The following SHB variants were observed in gnomAD, a reference collection of about 807,000 sequenced individuals.
SHB encodes the protein SH2 domain containing adaptor protein B.
In SHB, 20 loss-of-function variants were observed where a neutral mutation model predicts 52.3. The ratio of observed to expected loss-of-function variants is 0.38; its 90% confidence interval spans 0.27 to 0.56. The LOEUF is 0.56. Among genes scored for constraint, SHB ranks in the 20% least tolerant of loss-of-function variants. The pLI is 0.71. For missense variants in SHB, 825 were observed against 723.3 expected, an observed-to-expected ratio of 1.14 and a Z score of -1.61; for synonymous variants, 397 against 316.5, an observed-to-expected ratio of 1.25 and a Z score of -2.70.
intron 1 of SHB, among the ~76,000 whole-genome samples, chr9:38,065,294 G>A (rs1821947062): frequency 6.6e-6 from 1 of 152,140 alleles, no homozygotes; most frequent in African/African-American, 2.4e-5. Flanking sequence ...AGGATCAGGA[G>A]GTAGCCACAC....
chr9:37,984,424 A>G (rs937060821), intron 2 of SHB, among the ~76,000 whole-genome samples: 2 of 152,216 alleles, frequency 1.3e-5, no homozygotes, highest in African/African-American at 4.8e-5. Flanking sequence ...GTAACGTGAA[A>G]CACACAGGGA....
At chr9:38,024,221 C>T (rs532001336) in intron 1 of SHB, among the ~76,000 whole-genome samples, 53 of 152,330 alleles carry the variant, frequency 3.5e-4, no homozygotes, top group African/African-American at 1.1e-3. Context: ...TCCTCTGGGA[C>T]GGCCATCACC....
chr9:38,053,809 T>C (rs1821780795), intron 1 of SHB, among the ~76,000 whole-genome samples: 1 of 152,200 alleles, frequency 6.6e-6, no homozygotes, highest in Non-Finnish European at 1.5e-5. Context: ...AAAACATTCA[T>C]AAAGCTCTTC....
rs143913523 is a variant in SHB at position 37,950,968 on chromosome 9, C to T, written c.1227-2214G>A. ...CTCCTGGTGCCTGTCTCAGAGTGTCCTGCAAACCGTGCCTCTGAGAGTTCC... is the reference window on the plus strand; with the variant it reads ...CTCCTGGTGCCTGTCTCAGAGTGTCTTGCAAACCGTGCCTCTGAGAGTTCC... On this transcript the variant is annotated intron_variant, in intron 4 of 5. Coordinates refer to ENST00000377707, the MANE Select transcript of SHB (RefSeq NM_003028.3). 1.1e-3 allele frequency among the ~76,000 whole-genome samples: 165 copies of T among 152,336 alleles called. 1 individual carries two copies. The highest frequency in any genetic ancestry group is 3.8e-3 in the African/African-American group (158 of 41,574).
chr9:38,019,397 G>A (rs1821256303), intron 1 of SHB, among the ~76,000 whole-genome samples: 1 of 152,258 alleles, frequency 6.6e-6, no homozygotes, highest in Non-Finnish European at 1.5e-5. Flanking sequence ...GTGGCCTGGG[G>A]ATGGCCTCTC....
In SHB at chr9:37,916,692, C is replaced by T. The variant is rs1832103654; in HGVS notation, c.*3129G>A. On this transcript the variant is annotated 3_prime_UTR_variant, in exon 6 of 6. Transcript: ENST00000377707. ...AACAGCTACGCTGTGAGCCTCTCTC[C>T]AGGAGAGGGTGTCAGCCTGGGCCAT... is the stretch of plus-strand genomic sequence containing the variant. Among the ~76,000 whole-genome samples the T allele has an allele frequency of 3.3e-5, 5 of 152,228 alleles. No homozygotes were observed. The South Asian group carries it at 1.0e-3, about 31-fold the overall frequency.
At chr9:37,947,970 T>C (rs1012420920) in intron 5 of SHB, among the ~76,000 whole-genome samples, 1 of 152,226 alleles carries the variant, frequency 6.6e-6, no homozygotes, top group Admixed American at 6.5e-5. Context: ...TTGGGTCCCG[T>C]CCAGCAATAG....
At chr9:38,026,528 A>G (rs1821346145) in intron 1 of SHB, among the ~76,000 whole-genome samples, 1 of 152,246 alleles carries the variant, frequency 6.6e-6, no homozygotes, top group Non-Finnish European at 1.5e-5. Flanking sequence ...GCTCTCCCCA[A>G]GAGTCACTCT....
intron 1 of SHB, among the ~76,000 whole-genome samples, chr9:38,022,876 T>G (rs1246577309): frequency 6.6e-6 from 1 of 152,186 alleles, no homozygotes; most frequent in Non-Finnish European, 1.5e-5. Flanking sequence ...GAAAGGGAGC[T>G]CCTGCTGCGT....
rs1262730393 is a variant in SHB, at chr9:37,917,000, C to T, written c.*2821G>A. Among the ~76,000 whole-genome samples the T allele has an allele frequency of 2.6e-5, 4 of 151,232 alleles. No individual in the cohort carries two copies. Among genetic ancestry groups the T allele is most frequent in the Admixed American group, 2.6e-4 (4 of 15,188 alleles). On this transcript the variant is annotated 3_prime_UTR_variant, in exon 6 of 6. Coordinates refer to ENST00000377707, the MANE Select transcript of SHB (RefSeq NM_003028.3). The stretch of plus-strand genomic sequence containing the variant: ...AGCTTTTCTTTTCTCTCAAAGAAAT[C>T]CAGCTCAATTTTTTCCCCAATTAAT...
At chr9:38,057,328 T>G (rs543517075) in intron 1 of SHB, among the ~76,000 whole-genome samples, 5 of 152,152 alleles carry the variant, frequency 3.3e-5, no homozygotes, top group Admixed American at 6.5e-5. Flanking sequence ...ATATATGCAA[T>G]GAAAAATGGC....
At chr9:38,004,147 G>T (rs1038504295) in intron 2 of SHB, among the ~76,000 whole-genome samples, 1 of 152,198 alleles carries the variant, frequency 6.6e-6, no homozygotes, top group Non-Finnish European at 1.5e-5. Flanking sequence ...TTTCTTACTG[G>T]AAAATGGAAA....
chr9:37,948,829 C>T, intron 4 of SHB, 75 bp from the exon 5 acceptor site: 1 of 1,579,862 alleles, frequency 6.3e-7, no homozygotes. Flanking sequence ...TTGGGAGACT[C>T]AGCACCCGCA....
intron 5 of SHB, among the ~76,000 whole-genome samples, chr9:37,933,813 T>C (rs1832339233): frequency 6.6e-6 from 1 of 152,228 alleles, no homozygotes; most frequent in Non-Finnish European, 1.5e-5. Flanking sequence ...TTCCATGTCC[T>C]GAGCTGAAAT....
chr9:37,920,236 G>C (rs1001858000), intron 5 of SHB, among the ~76,000 whole-genome samples: 2 of 151,924 alleles, frequency 1.3e-5, no homozygotes, highest in Non-Finnish European at 2.9e-5. Flanking sequence ...TGCTACAAGA[G>C]AGCATTCCAA....
intron 3 of SHB, among the ~76,000 whole-genome samples, chr9:37,959,062 CCTCT>C (rs779966994): frequency 2.6e-5 from 4 of 152,108 alleles, no homozygotes; most frequent in South Asian, 2.1e-4. Flanking sequence ...GCTTTAGAGA[CCTCT>C]CTGAGTGCTG....
chr9:37,940,136 A>G (rs910246672), intron 5 of SHB, among the ~76,000 whole-genome samples: 1 of 152,210 alleles, frequency 6.6e-6, no homozygotes, highest in African/African-American at 2.4e-5. Flanking sequence ...TCCTGGGCAT[A>G]GGCCCAGGGC....
chr9:38,055,922 T>A (rs10973654), intron 1 of SHB, among the ~76,000 whole-genome samples: 49,827 of 151,808 alleles, frequency 0.33, 10,216 homozygotes, highest in Non-Finnish European at 0.46. Flanking sequence ...CTTGGCCACA[T>A]CCCACACACC....
chr9:37,989,464 T>G (rs1466648391), intron 2 of SHB, among the ~76,000 whole-genome samples: 3 of 152,160 alleles, frequency 2.0e-5, no homozygotes, highest in Non-Finnish European at 4.4e-5. Flanking sequence ...AGCGATCACC[T>G]GCCAGGGGTC....
Sources: allele counts gnomAD v4.1 joint callset (sites outside exome capture counted in the v4.1 genomes callset), GRCh38; gene constraint gnomAD v4.1.1; transcripts MANE v1.5; gene names NCBI Gene and HGNC (gene_info 2026-07-23, HGNC 2026-07-21).